Variants in SLC10A7 observed in about 807,000 individuals in gnomAD.
SLC10A7 encodes solute carrier family 10 member 7.
A neutral mutation model predicts 43.2 loss-of-function variants in SLC10A7; 29 were observed. That is an observed-to-expected ratio of 0.67 (90% CI 0.50 to 0.92). The LOEUF is 0.92. SLC10A7 is among the 40% of genes least tolerant of loss of function. The probability of loss-of-function intolerance (pLI) is 0.00; values close to 1 mark genes in which losing one functional copy is unlikely to be tolerated. For missense variants in SLC10A7, 295 were observed against 403.2 expected, an observed-to-expected ratio of 0.73 and a Z score of 2.30; for synonymous variants, 152 against 144.8, an observed-to-expected ratio of 1.05 and a Z score of -0.35.
At chr4:146,505,659 T>G (rs1371457989) in intron 3 of SLC10A7, among the ~76,000 whole-genome samples, 1 of 152,186 alleles carries the variant, frequency 6.6e-6, no homozygotes, top group Non-Finnish European at 1.5e-5. Flanking sequence ...GAAAACCCAT[T>G]TTATGGAATT....
intron 5 of SLC10A7, among the ~76,000 whole-genome samples, chr4:146,440,449 C>T (rs1730511581): frequency 1.3e-5 from 2 of 152,092 alleles, no homozygotes; most frequent in African/African-American, 2.4e-5. Context: ...AAACTGCATG[C>T]TGCAGATGGT....
At chr4:146,445,194 C>A (rs1361587706) in intron 4 of SLC10A7, among the ~76,000 whole-genome samples, 1 of 152,150 alleles carries the variant, frequency 6.6e-6, no homozygotes, top group African/African-American at 2.4e-5. Flanking sequence ...AAATACCCTT[C>A]CCCCTCTTCT....
intron 5 of SLC10A7, among the ~76,000 whole-genome samples, chr4:146,417,222 T>C (rs1728640154): frequency 1.3e-5 from 2 of 152,308 alleles, no homozygotes; most frequent in Non-Finnish European, 2.9e-5. Context: ...CATGCCCTTA[T>C]GGCAGATGCC....
chr4:146,400,147 C>T (rs1305797778), intron 5 of SLC10A7, among the ~76,000 whole-genome samples: 2 of 152,124 alleles, frequency 1.3e-5, no homozygotes, highest in African/African-American at 2.4e-5. Flanking sequence ...AAAAGAGAAA[C>T]ATGTTACAAG....
intron 5 of SLC10A7, among the ~76,000 whole-genome samples, chr4:146,367,567 T>A (rs1004611660): frequency 6.6e-6 from 1 of 152,184 alleles, no homozygotes; most frequent in African/African-American, 2.4e-5. Flanking sequence ...CCAGTTCTAT[T>A]TTTAAACTAT....
intron 7 of SLC10A7, among the ~76,000 whole-genome samples, chr4:146,299,434 C>T (rs1560776175): frequency 6.6e-6 from 1 of 152,138 alleles, no homozygotes; most frequent in African/African-American, 2.4e-5. Context: ...AATAATGATA[C>T]ATACTAAGCT....
At chr4:146,469,835 G>T (rs1221290880) in intron 4 of SLC10A7, among the ~76,000 whole-genome samples, 1 of 151,878 alleles carries the variant, frequency 6.6e-6, no homozygotes, top group South Asian at 2.1e-4. Flanking sequence ...TCACTATGTT[G>T]CCCAGGCTAG....
intron 5 of SLC10A7, among the ~76,000 whole-genome samples, chr4:146,338,814 CAACAA>C (rs1051752438): frequency 2.0e-5 from 3 of 151,744 alleles, no homozygotes; most frequent in African/African-American, 7.3e-5. Context: ...ACATATAAAG[CAACAA>C]AACAAAACAA....
intron 6 of SLC10A7, among the ~76,000 whole-genome samples, chr4:146,306,669 C>T (rs796447034): frequency 2.0e-5 from 3 of 152,192 alleles, no homozygotes; most frequent in African/African-American, 7.2e-5. Context: ...CATTAAGATG[C>T]TATTCCCTGC....
At position 146,344,248 on chromosome 4, in the gene SLC10A7, C is replaced by T. The variant is rs149040944; in HGVS notation, c.436-18252G>A. 5.9e-5 allele frequency among the ~76,000 whole-genome samples: 9 copies of T among 152,152 alleles called. No homozygotes were observed. The East Asian group carries it at 1.4e-3, about 23-fold the overall frequency. On this transcript the variant is annotated intron_variant, in intron 5 of 11. Transcript: ENST00000335472. The stretch of plus-strand genomic sequence containing the variant: ...TTTGAATGGAGACTATGCCTTACAC[C>T]AGTAACCAATGCAAAAATATCACGT...
At chr4:146,431,346 C>T (rs927293792) in intron 5 of SLC10A7, among the ~76,000 whole-genome samples, 6 of 152,088 alleles carry the variant, frequency 3.9e-5, no homozygotes, top group African/African-American at 1.4e-4. Context: ...ACAAGTGATA[C>T]GATAATCAGG....
In SLC10A7 at chr4:146,294,078, G is replaced by A. The variant is rs530054915; in HGVS notation, c.573C>T (p.Ile191=). The change falls in exon 8 of 12, where the codon ATC becomes ATT. Residue 191 remains isoleucine (I), a synonymous_variant. Coordinates refer to ENST00000335472, the MANE Select transcript of SLC10A7 (RefSeq NM_001029998.6). ...GCTTCTTTCTCTCAAGCCAATCCTTGATGTATCTTCGGACAATCTGAAATA... is the reference window on the plus strand; with the variant it reads ...GCTTCTTTCTCTCAAGCCAATCCTTAATGTATCTTCGGACAATCTGAAATA... ...LIIGQIVRRY[I]KDWLERKKPP... is the part of the protein sequence containing the mutation. 2 of 1,609,432 alleles carry A rather than the reference G, an allele frequency of 1.2e-6. No individual in the cohort carries two copies. Among genetic ancestry groups the A allele is most frequent in the South Asian group, 2.2e-5 (2 of 90,158 alleles).
chr4:146,515,960 G>A (rs191572499), intron 2 of SLC10A7, among the ~76,000 whole-genome samples: 4 of 146,700 alleles, frequency 2.7e-5, no homozygotes, highest in East Asian at 2.0e-4. Flanking sequence ...TATACCAACC[G>A]ATGGCTACAG....
At chr4:146,474,000 A>G (rs1442788696) in intron 4 of SLC10A7, among the ~76,000 whole-genome samples, 1 of 152,144 alleles carries the variant, frequency 6.6e-6, no homozygotes, top group Non-Finnish European at 1.5e-5. Flanking sequence ...GAGCTTGACC[A>G]TTCTGCAACT....
At chr4:146,296,402 C>T (rs937955205) in intron 7 of SLC10A7, among the ~76,000 whole-genome samples, 1 of 152,132 alleles carries the variant, frequency 6.6e-6, no homozygotes, top group African/African-American at 2.4e-5. Context: ...ACCTAATAAT[C>T]TCTTTCTTCA....
intron 5 of SLC10A7, among the ~76,000 whole-genome samples, chr4:146,400,551 T>C (rs1203785120): frequency 6.6e-6 from 1 of 152,114 alleles, no homozygotes; most frequent in Non-Finnish European, 1.5e-5. Flanking sequence ...CGAAACGTTT[T>C]CTGAACATCT....
intron 5 of SLC10A7, among the ~76,000 whole-genome samples, chr4:146,396,365 G>A (rs1161445318): frequency 6.6e-6 from 1 of 152,040 alleles, no homozygotes; most frequent in Non-Finnish European, 1.5e-5. Flanking sequence ...TTCAAGTGAT[G>A]GATATTTTAC....
chr4:146,308,025 A>G (rs945828926), intron 6 of SLC10A7, among the ~76,000 whole-genome samples: 2 of 152,144 alleles, frequency 1.3e-5, no homozygotes, highest in African/African-American at 4.8e-5. Flanking sequence ...GAACAAGGCT[A>G]TGTGTTGAGG....
chr4:146,362,673 C>CAATATAAT (rs146416902), intron 5 of SLC10A7, among the ~76,000 whole-genome samples: 8,497 of 151,584 alleles, frequency 0.056, 347 homozygotes, highest in South Asian at 0.18. Flanking sequence ...TGATAATAGA[C>CAATATAAT]AATATAATAA....
Sources: gnomAD v4.1 joint callset for allele counts (sites outside exome capture counted in the v4.1 genomes callset) on GRCh38, gnomAD v4.1.1 for gene constraint, MANE v1.5 for transcripts, NCBI Gene and HGNC (gene_info 2026-07-23, HGNC 2026-07-21) for gene names.